ITGAD: variants seen among roughly 807,000 people sequenced by gnomAD.
The protein encoded by ITGAD is integrin alpha-D.
In ITGAD, 105 loss-of-function variants were observed where a neutral mutation model predicts 139.0. The ratio of observed to expected loss-of-function variants is 0.76; its 90% confidence interval spans 0.65 to 0.89. The LOEUF (loss-of-function observed/expected upper bound fraction) is 0.89. Among genes scored for constraint, ITGAD ranks in the 40% least tolerant of loss-of-function variants. The pLI, the probability that ITGAD is intolerant of heterozygous loss-of-function variation, is 0.00. For missense variants in ITGAD, 1,384 were observed against 1,487.3 expected, an observed-to-expected ratio of 0.93 and a Z score of 1.14; for synonymous variants, 569 against 598.3, an observed-to-expected ratio of 0.95 and a Z score of 0.71.
chr16:31,414,383 AAAT>A, intron 16 of ITGAD, 65 bp from the exon 17 acceptor site: 1 of 1,551,994 alleles, frequency 6.4e-7, no homozygotes, highest in Non-Finnish European at 8.8e-7. Context: ...TTGCATGAAC[AAAT>A]AATGAAAACA....
At position 31,407,607 on chromosome 16, in the gene ITGAD, T is replaced by C. The variant is rs1172679481; in HGVS notation, c.797T>C (p.Leu266Pro). ...ITDGQKYKDP[L>P]EYSDVIPQAE... is the part of the protein sequence containing the mutation. ...GATGGGCAGAAGTACAAAGACCCCC[T>C]GGAATACAGTGATGTCATCCCCCAG... is the stretch of plus-strand genomic sequence containing the variant. The change falls in exon 8 of 30, where the codon CTG becomes CCG. Residue 266 changes from leucine (L) to proline (P), a missense_variant. Coordinates refer to ENST00000389202, the MANE Select transcript of ITGAD (RefSeq NM_005353.3). 1 of 1,614,074 alleles carries C rather than the reference T, an allele frequency of 6.2e-7. No homozygotes were observed. Among genetic ancestry groups the C allele is most frequent in the East Asian group, 2.2e-5 (1 of 44,876 alleles).
rs141738009 is a variant in ITGAD at position 31,418,371 on chromosome 16, G to A, written c.2687G>A (p.Ser896Asn). The change falls in exon 22 of 30, where the codon AGT becomes AAT. Residue 896 changes from serine (S) to asparagine (N), a missense_variant. Coordinates refer to ENST00000389202, the MANE Select transcript of ITGAD (RefSeq NM_005353.3). The stretch of plus-strand genomic sequence containing the variant: ...GGAGACAGGATGCTTATGAGGGCCA[G>A]TGCAAGCAGGTGGGTCCAGGCCAGG... Reference protein sequence around the residue: ...TLGDRMLMRASASSENNKASS... With the variant: ...TLGDRMLMRANASSENNKASS... The A allele has an allele frequency of 3.3e-5, 54 of 1,613,918 alleles. No individual in the cohort carries two copies. The highest frequency in any genetic ancestry group is 4.3e-5 in the Non-Finnish European group (51 of 1,179,962).
intron 23 of ITGAD, among the ~76,000 whole-genome samples, chr16:31,419,131 T>C (rs1184153826): frequency 1.3e-5 from 2 of 151,344 alleles, no homozygotes; most frequent in Non-Finnish European, 2.9e-5. Flanking sequence ...AGGCGGAGGT[T>C]GCAGTGAGCT....
At chr16:31,420,102 T>C (rs1291252995) in intron 23 of ITGAD, among the ~76,000 whole-genome samples, 1 of 152,182 alleles carries the variant, frequency 6.6e-6, no homozygotes, top group Non-Finnish European at 1.5e-5. Flanking sequence ...TCAAGGCTTT[T>C]CTGAGCACCC....
intron 29 of ITGAD, among the ~76,000 whole-genome samples, chr16:31,425,733 A>G (rs2082101774): frequency 6.8e-6 from 1 of 146,210 alleles, no homozygotes; most frequent in African/African-American, 2.6e-5. Flanking sequence ...CCCAGGCTGG[A>G]GTGCAGTGGC....
At chr16:31,411,645 A>G in intron 14 of ITGAD, 128 bp downstream of exon 14, 5 of 853,552 alleles carry the variant, frequency 5.9e-6, no homozygotes, top group Non-Finnish European at 3.7e-6. Context: ...AGCACACGTC[A>G]TCTCTCTTCT....
chr16:31,410,329 G>A (rs2081654047), intron 10 of ITGAD, 66 bp from the exon 11 acceptor site: 13 of 1,602,872 alleles, frequency 8.1e-6, no homozygotes, highest in South Asian at 5.5e-5. Flanking sequence ...GGTGGCAGGC[G>A]TGTCTCTGGG....
In ITGAD at chr16:31,412,893, G is replaced by C; in HGVS notation, c.1763G>C (p.Ser588Thr). 6.2e-7 allele frequency: 1 copy of C among 1,614,128 alleles called. No individual in the cohort carries two copies. The highest frequency in any genetic ancestry group is 8.5e-7 in the Non-Finnish European group (1 of 1,180,010). ...PRLQYFGQAL[S>T]GGQDLTQDGL... is the part of the protein sequence containing the mutation. ...CTGCAGTATTTTGGGCAGGCGCTGA[G>C]TGGGGGTCAGGACCTCACCCAGGAT... is the stretch of plus-strand genomic sequence containing the variant. Residue 588 changes from serine (S) to threonine (T), a missense_variant, in exon 15 of 30, where the codon AGT becomes ACT. Physicochemically the swap from Ser to Thr is moderately conservative, Grantham distance 58 (BLOSUM62 1). Transcript: ENST00000389202.
chr16:31,401,016 T>C (rs964577988), intron 5 of ITGAD, among the ~76,000 whole-genome samples: 6 of 152,086 alleles, frequency 3.9e-5, no homozygotes, highest in African/African-American at 1.4e-4. Flanking sequence ...CCCAGTGCTT[T>C]GGGAGGCCGA....
chr16:31,410,786 G>C lies in ITGAD; in HGVS notation c.1264G>C (p.Gly422Arg). 1 of 1,613,778 alleles carries C rather than the reference G, an allele frequency of 6.2e-7. No individual in the cohort carries two copies. The highest frequency in any genetic ancestry group is 1.7e-4 in the Middle Eastern group (1 of 5,910). ...GAAGGGGGTACAGAACCTGGTCCTG[G>C]GGGCCCCCCGCTACCAGCATACCGG... ...LWKGVQNLVL[G>R]APRYQHTGKA... The change falls in exon 12 of 30, where the codon GGG becomes CGG. Residue 422 changes from glycine to arginine, a missense_variant. By Grantham distance (125) the Gly-to-Arg change is moderately radical (BLOSUM62 -2). Coordinates refer to ENST00000389202, the MANE Select transcript of ITGAD (RefSeq NM_005353.3).
chr16:31,399,202 A>G (rs1319004794), intron 5 of ITGAD, among the ~76,000 whole-genome samples: 6 of 152,154 alleles, frequency 3.9e-5, no homozygotes, highest in Admixed American at 3.9e-4. Context: ...ATTCCCTCAA[A>G]GCCATTCAGT....
chr16:31,413,963 C>G (rs2081808166), intron 16 of ITGAD, among the ~76,000 whole-genome samples: 2 of 152,178 alleles, frequency 1.3e-5, no homozygotes, highest in Non-Finnish European at 2.9e-5. Flanking sequence ...AACATCACGT[C>G]CCATGTGCTT....
At chr16:31,397,981 G>A (rs2081314523) in intron 5 of ITGAD, 72 bp downstream of exon 5, 6 of 1,192,386 alleles carry the variant, frequency 5.0e-6, no homozygotes, top group African/African-American at 1.5e-5. Flanking sequence ...CGTGAGGCCT[G>A]TGTCTGGGCC....
intron 19 of ITGAD, 62 bp from the exon 20 acceptor site, chr16:31,416,443 C>T: frequency 6.3e-7 from 1 of 1,575,310 alleles, no homozygotes. Context: ...TCTGCCCTGC[C>T]CTTCCCAGTT....
At chr16:31,416,374 C>T (rs2081886560) in intron 19 of ITGAD, 88 bp downstream of exon 19, 7 of 1,504,210 alleles carry the variant, frequency 4.7e-6, no homozygotes, top group Non-Finnish European at 5.5e-6. Context: ...CTGGCTCTTT[C>T]TAACAAAAGT....
intron 2 of ITGAD, among the ~76,000 whole-genome samples, chr16:31,395,331 C>A (rs2081238726): frequency 6.6e-6 from 1 of 151,600 alleles, no homozygotes; most frequent in Admixed American, 6.6e-5. Context: ...AAAAAAAAGT[C>A]ATGGGAGAAG....
intron 17 of ITGAD, 32 bp downstream of exon 17, chr16:31,414,637 G>T: frequency 1.9e-6 from 3 of 1,612,804 alleles, no homozygotes; most frequent in Non-Finnish European, 2.5e-6. Flanking sequence ...AAGGGGGAGA[G>T]AGGAGGAGCC....
intron 23 of ITGAD, among the ~76,000 whole-genome samples, chr16:31,421,694 G>A (rs1045438762): frequency 5.3e-5 from 8 of 152,006 alleles, no homozygotes; most frequent in Non-Finnish European, 1.0e-4. Context: ...AGGTTGCTAC[G>A]GTTTGCATCC....
At position 31,413,176 on chromosome 16, in the gene ITGAD, G is replaced by T. The variant is rs2081780187; in HGVS notation, c.1926G>T (p.Lys642Asn). The change falls in exon 16 of 30, where the codon AAG becomes AAT. Residue 642 changes from lysine to asparagine, a missense_variant. Transcript: ENST00000389202. The stretch of plus-strand genomic sequence containing the variant: ...CTGTGTACCGGTGCTGGGAAGAGAA[G>T]CCCAGTGCCCTGGAAGCTGGGGACG... ...AKAVYRCWEE[K>N]PSALEAGDAT... The T allele has an allele frequency of 6.2e-7, 1 of 1,614,160 alleles. No homozygotes were observed.
Sources: gnomAD v4.1 joint callset for allele counts (sites outside exome capture counted in the v4.1 genomes callset) on GRCh38, gnomAD v4.1.1 for gene constraint, MANE v1.5 for transcripts, NCBI Gene and HGNC (gene_info 2026-07-23, HGNC 2026-07-21) for gene names.